Variants in DENND1B observed in about 807,000 individuals in gnomAD.
DENND1B encodes the protein DENN domain containing 1B.
In DENND1B, 59 loss-of-function variants were observed where a neutral mutation model predicts 90.1. The observed-to-expected ratio is 0.65, with a 90% CI of 0.53 to 0.81. DENND1B has a LOEUF of 0.81. Ranked by LOEUF, DENND1B falls within the 40% of genes least tolerant of loss-of-function variation. The pLI, the probability that DENND1B is intolerant of heterozygous loss-of-function variation, is 0.00. For missense variants in DENND1B, 862 were observed against 912.6 expected (o/e 0.94, Z 0.71); for synonymous variants, 337 against 324.6 (o/e 1.04, Z -0.41).
chr1:197,713,843 ATTATATTAT>A (rs1192833933), intron 3 of DENND1B, among the ~76,000 whole-genome samples: 97 of 36,218 alleles, frequency 2.7e-3, no homozygotes, highest in East Asian at 4.2e-3. Context: ...AATATATTAT[ATTATATTAT>A]TATAATATAT....
intron 15 of DENND1B, among the ~76,000 whole-genome samples, chr1:197,566,260 A>C (rs1672652864): frequency 6.6e-6 from 1 of 152,022 alleles, no homozygotes; most frequent in African/African-American, 2.4e-5. Flanking sequence ...GCAATTTTTC[A>C]TGTGTTTTTT....
chr1:197,757,892 T>C (rs1267698832), intron 2 of DENND1B, among the ~76,000 whole-genome samples: 1 of 152,208 alleles, frequency 6.6e-6, no homozygotes, highest in Non-Finnish European at 1.5e-5. Flanking sequence ...AACCCTACAC[T>C]TTTGTAATAT....
At chr1:197,737,500 C>T (rs546380470) in intron 2 of DENND1B, among the ~76,000 whole-genome samples, 1 of 152,124 alleles carries the variant, frequency 6.6e-6, no homozygotes, top group African/African-American at 2.4e-5. Context: ...AACATTCCAT[C>T]TTGGAGGTAT....
intron 10 of DENND1B, among the ~76,000 whole-genome samples, chr1:197,631,012 C>T (rs1679276670): frequency 6.6e-6 from 1 of 152,098 alleles, no homozygotes; most frequent in Admixed American, 6.6e-5. Flanking sequence ...TCCTCACCTA[C>T]ATGACATTTC....
Position 197,735,855 on chromosome 1 carries a change from C to G in DENND1B, c.83-20781G>C, listed in dbSNP as rs933207547. On this transcript the variant is annotated intron_variant, in intron 2 of 22. Coordinates refer to ENST00000620048, the MANE Select transcript of DENND1B (RefSeq NM_001195215.2). ...AGAAATTCAAAAGAAAAGAACTTGC[C>G]GAGCAGTCAAATTGCAGGGGGCTAT... is the stretch of plus-strand genomic sequence containing the variant. 4.4e-6 allele frequency: 7 copies of G among 1,596,942 alleles called. No individual in the cohort carries two copies. In the African/African-American group the frequency reaches 8.1e-5, roughly 18 times the overall value.
intron 20 of DENND1B, among the ~76,000 whole-genome samples, chr1:197,521,435 A>C (rs1668769092): frequency 6.6e-6 from 1 of 151,936 alleles, no homozygotes; most frequent in Admixed American, 6.6e-5. Flanking sequence ...GACGAATGAG[A>C]AAATATAACT....
At chr1:197,553,873 A>T (rs550751488) in intron 15 of DENND1B, among the ~76,000 whole-genome samples, 4 of 152,232 alleles carry the variant, frequency 2.6e-5, no homozygotes, top group African/African-American at 9.6e-5. Flanking sequence ...GTTCTTAAAA[A>T]AGAGGTTGGA....
chr1:197,516,370 A>G (rs1668400296), intron 20 of DENND1B, among the ~76,000 whole-genome samples: 1 of 151,834 alleles, frequency 6.6e-6, no homozygotes, highest in Non-Finnish European at 1.5e-5. Context: ...AACAGGTGAT[A>G]GAATATGTCA....
rs566244721 is a variant in DENND1B, at chr1:197,647,154, C to A, written c.448-40G>T. 4 of 1,346,246 alleles carry A rather than the reference C, an allele frequency of 3.0e-6. No homozygotes were observed. The East Asian group carries it at 1.2e-4, about 41-fold the overall frequency. The allele number at this position is 1,346,246 out of a possible 1,614,324, so 83.4% of individuals were successfully genotyped here. A position where few individuals can be genotyped will look rare whatever the true frequency, so the allele number is the denominator to read the frequency against. On this transcript the variant is annotated intron_variant, in intron 7 of 22. Transcript: ENST00000620048. ...GAGAAAAAAATGAATATTTTACTTTCATGGGAGAAGCTTACACAACAATTT... is the reference window on the plus strand; with the variant it reads ...GAGAAAAAAATGAATATTTTACTTTAATGGGAGAAGCTTACACAACAATTT...
At chr1:197,569,955 A>C (rs1375516367) in intron 15 of DENND1B, among the ~76,000 whole-genome samples, 1 of 152,206 alleles carries the variant, frequency 6.6e-6, no homozygotes, top group African/African-American at 2.4e-5. Context: ...AATGTTAATT[A>C]CATGAGTTAA....
At chr1:197,600,388 G>C (rs905075148) in intron 13 of DENND1B, among the ~76,000 whole-genome samples, 13 of 151,828 alleles carry the variant, frequency 8.6e-5, no homozygotes, top group African/African-American at 2.9e-4. Flanking sequence ...GCTGGGTTCA[G>C]ACAAACGGAA....
At chr1:197,739,119 T>TG (rs765552769) in intron 2 of DENND1B, among the ~76,000 whole-genome samples, 3 of 151,918 alleles carry the variant, frequency 2.0e-5, no homozygotes, top group East Asian at 1.9e-4. Flanking sequence ...CCAAAAGAAA[T>TG]GGGGGGGAAA....
intron 3 of DENND1B, among the ~76,000 whole-genome samples, chr1:197,696,080 A>C (rs1420938030): frequency 2.0e-5 from 3 of 151,356 alleles, no homozygotes; most frequent in Non-Finnish European, 4.4e-5. Context: ...TATATTCAAT[A>C]ATGACCCATT....
chr1:197,589,071 C>T (rs1382169963), intron 14 of DENND1B, among the ~76,000 whole-genome samples: 1 of 152,020 alleles, frequency 6.6e-6, no homozygotes, highest in East Asian at 1.9e-4. Flanking sequence ...CTGTTTCTAG[C>T]TTTTTGTGTG....
intron 12 of DENND1B, among the ~76,000 whole-genome samples, chr1:197,609,290 A>G (rs1367122740): frequency 6.6e-6 from 1 of 150,742 alleles, no homozygotes; most frequent in East Asian, 1.9e-4. Flanking sequence ...TTTCCATACA[A>G]TATGGCTACA....
At position 197,600,161 on chromosome 1, in the gene DENND1B, T is replaced by C. The variant is rs550987355; in HGVS notation, c.922-4828A>G. Reference sequence around the variant, plus strand: ...TGAGCTTGGCTGGACCACAAAAGGCTGATCTGAGAGTGCGGACTAGTAAAA... The same window carrying C: ...TGAGCTTGGCTGGACCACAAAAGGCCGATCTGAGAGTGCGGACTAGTAAAA... On this transcript the variant is annotated intron_variant, in intron 13 of 22. Transcript: ENST00000620048. Among the ~76,000 whole-genome samples, 142 of 151,966 alleles carry C rather than the reference T, an allele frequency of 9.3e-4. 1 individual carries two copies. Among genetic ancestry groups the C allele is most frequent in the African/African-American group, 3.3e-3 (139 of 41,530 alleles).
chr1:197,689,306 C>T (rs1181373480), intron 3 of DENND1B, among the ~76,000 whole-genome samples: 3 of 151,990 alleles, frequency 2.0e-5, no homozygotes, highest in African/African-American at 7.2e-5. Flanking sequence ...CATCAAATCT[C>T]GTGAGACTTA....
intron 18 of DENND1B, among the ~76,000 whole-genome samples, chr1:197,545,030 G>GGAGAAGGAGAAGGAGAAT (rs1435217660): frequency 6.8e-6 from 1 of 147,554 alleles, no homozygotes; most frequent in Non-Finnish European, 1.5e-5. Flanking sequence ...GAAAGAAGGA[G>GGAGAAGGAGAAGGAGAAT]GAGAAGGAGA....
intron 3 of DENND1B, among the ~76,000 whole-genome samples, chr1:197,697,294 A>T (rs1016691244): frequency 6.6e-6 from 1 of 151,468 alleles, no homozygotes; most frequent in African/African-American, 2.4e-5. Context: ...CAGGGTTAGG[A>T]TTCAAACTCA....
Sources: gnomAD v4.1 joint callset for allele counts (sites outside exome capture counted in the v4.1 genomes callset) on GRCh38, gnomAD v4.1.1 for gene constraint, MANE v1.5 for transcripts, NCBI Gene and HGNC (gene_info 2026-07-23, HGNC 2026-07-21) for gene names.